The following RANBP2 variants were observed in gnomAD, a reference collection of about 807,000 sequenced individuals.
RANBP2 encodes RAN binding protein 2.
A neutral mutation model predicts 303.6 loss-of-function variants in RANBP2; 57 were observed. The ratio of observed to expected loss-of-function variants is 0.19; its 90% CI spans 0.15 to 0.23. The LOEUF is 0.23. Ranked by LOEUF, RANBP2 falls within the 10% of genes least tolerant of loss-of-function variation. The probability of loss-of-function intolerance (pLI) is 1.00; values close to 1 mark genes in which losing one functional copy is unlikely to be tolerated. For missense variants in RANBP2, 3,138 were observed against 3,780.8 expected, an observed-to-expected ratio of 0.83 and a Z score of 4.46; for synonymous variants, 1,167 against 1,301.5, an observed-to-expected ratio of 0.90 and a Z score of 2.23.
intron 7 of RANBP2, among the ~76,000 whole-genome samples, chr2:108,745,663 G>A (rs1452171449): frequency 2.7e-5 from 4 of 150,830 alleles, no homozygotes. Context: ...ATTTATTCCA[G>A]TGCTATCCCA....
At chr2:109,736,161 G>T in the RANBP2 span, among the ~76,000 whole-genome samples, 2 of 152,164 alleles carry the variant, frequency 1.3e-5, no homozygotes, top group East Asian at 3.9e-4. Context: ...AAAGCATCAG[G>T]GTCTTTCAAA....
the RANBP2 span, among the ~76,000 whole-genome samples, chr2:109,582,576 CTCCCAGAGT>C: frequency 6.6e-6 from 1 of 152,180 alleles, no homozygotes; most frequent in Admixed American, 6.5e-5. Context: ...TCTCCTTGAC[CTCCCAGAGT>C]GCTAGGATTA....
chr2:109,363,529 A>G, the RANBP2 span, among the ~76,000 whole-genome samples: 1 of 152,170 alleles, frequency 6.6e-6, no homozygotes, highest in Non-Finnish European at 1.5e-5. Context: ...TAAAAGTTTT[A>G]AGTTTACTGC....
the RANBP2 span, among the ~76,000 whole-genome samples, chr2:109,494,234 C>T: frequency 6.6e-6 from 1 of 152,212 alleles, no homozygotes; most frequent in South Asian, 2.1e-4. Context: ...AATTCAGAGA[C>T]TCACTCCCGT....
At chr2:109,093,749 T>A in the RANBP2 span, among the ~76,000 whole-genome samples, 19 of 152,226 alleles carry the variant, frequency 1.2e-4, no homozygotes, top group African/African-American at 4.3e-4. Flanking sequence ...TCTGAAAATA[T>A]TTTTTCTTCT....
At chr2:109,067,245 C>T in the RANBP2 span, among the ~76,000 whole-genome samples, 1 of 152,166 alleles carries the variant, frequency 6.6e-6, no homozygotes, top group Non-Finnish European at 1.5e-5. Flanking sequence ...GGGAAGGCCA[C>T]TGCAATAAGG....
chr2:108,845,689 A>G, the RANBP2 span, among the ~76,000 whole-genome samples: 1 of 150,378 alleles, frequency 6.6e-6, no homozygotes, highest in Non-Finnish European at 1.5e-5. Flanking sequence ...CTCCTGTCTC[A>G]GCCTCCCAAG....
chr2:109,097,299 T>A, the RANBP2 span, among the ~76,000 whole-genome samples: 1 of 145,294 alleles, frequency 6.9e-6, no homozygotes, highest in African/African-American at 2.5e-5. Context: ...TGAGACTCCA[T>A]CTCAAAAACA....
At chr2:109,416,762 C>T in the RANBP2 span, among the ~76,000 whole-genome samples, 2 of 151,800 alleles carry the variant, frequency 1.3e-5, no homozygotes, top group African/African-American at 4.8e-5. Context: ...AAATATTAGC[C>T]GGGGGTGGTA....
chr2:109,083,600 C>T, the RANBP2 span, among the ~76,000 whole-genome samples: 1 of 152,100 alleles, frequency 6.6e-6, no homozygotes, highest in Non-Finnish European at 1.5e-5. Flanking sequence ...TTGTGAATAA[C>T]GTTGCTGTGA....
At chr2:109,339,337 T>A in the RANBP2 span, among the ~76,000 whole-genome samples, 1 of 151,924 alleles carries the variant, frequency 6.6e-6, no homozygotes, top group Non-Finnish European at 1.5e-5. Flanking sequence ...TATAGTAAGA[T>A]GATGTGGTGG....
At chr2:108,735,854 A>C in intron 5 of RANBP2, 92 bp downstream of exon 5, 4 of 1,592,490 alleles carry the variant, frequency 2.5e-6, no homozygotes, top group Non-Finnish European at 2.5e-6. Flanking sequence ...CAGGACTTAA[A>C]ATTTCTTTTA....
At chr2:109,534,867 T>G in the RANBP2 span, among the ~76,000 whole-genome samples, 1 of 152,186 alleles carries the variant, frequency 6.6e-6, no homozygotes, top group Non-Finnish European at 1.5e-5. Flanking sequence ...GTTTCTTACC[T>G]GACTAGAGCT....
At chr2:109,117,185 G>A in the RANBP2 span, among the ~76,000 whole-genome samples, 1 of 152,242 alleles carries the variant, frequency 6.6e-6, no homozygotes, top group Admixed American at 6.5e-5. Context: ...GGACATTTAA[G>A]TCTGCAGAGG....
At chr2:109,405,130 G>A in the RANBP2 span, among the ~76,000 whole-genome samples, 2 of 151,424 alleles carry the variant, frequency 1.3e-5, no homozygotes, top group Non-Finnish European at 2.9e-5. Flanking sequence ...CCCAGCCAAC[G>A]TCACCTGCCA....
the RANBP2 span, among the ~76,000 whole-genome samples, chr2:109,251,011 A>AT: frequency 1.9e-4 from 29 of 150,678 alleles, no homozygotes; most frequent in African/African-American, 5.8e-4. Context: ...TTATTTATTT[A>AT]TTTTTTTTGA....
the RANBP2 span, among the ~76,000 whole-genome samples, chr2:109,459,634 G>A: frequency 1.3e-5 from 2 of 152,112 alleles, no homozygotes; most frequent in Non-Finnish European, 1.5e-5. Flanking sequence ...TCAGTCACCC[G>A]AGCCAGCACA....
the RANBP2 span, chr2:109,313,531 T>C: frequency 3.2e-5 from 5 of 154,986 alleles, no homozygotes; most frequent in African/African-American, 1.2e-4. Context: ...ATCGCAATGG[T>C]CTTAAGCATC....
the RANBP2 span, among the ~76,000 whole-genome samples, chr2:109,108,546 C>A: frequency 3.9e-5 from 6 of 152,164 alleles, no homozygotes; most frequent in Non-Finnish European, 7.3e-5. Context: ...CAAGTCCTCA[C>A]AAGGCTGTTA....
Sources: allele counts gnomAD v4.1 joint callset (sites outside exome capture counted in the v4.1 genomes callset), GRCh38; gene constraint gnomAD v4.1.1; transcripts MANE v1.5; gene names NCBI Gene and HGNC (gene_info 2026-07-23, HGNC 2026-07-21).